Variants in NKAIN3 observed in about 807,000 individuals in gnomAD.
NKAIN3 encodes the protein sodium/potassium-transporting ATPase subunit beta-1-interacting protein 3.
A neutral mutation model predicts 30.2 loss-of-function variants in NKAIN3; 25 were observed. The observed-to-expected ratio is 0.83, with a 90% CI of 0.60 to 1.16. NKAIN3 has a LOEUF of 1.16. Ranked by LOEUF, NKAIN3 falls within the 50% of genes most tolerant of loss-of-function variation. NKAIN3 has a pLI of 0.00. For synonymous variants in NKAIN3, 91 were observed against 89.6 expected (o/e 1.02, Z -0.09); for missense variants, 225 against 254.1 (o/e 0.89, Z 0.78).
At chr8:62,456,377 G>C (rs942323085) in intron 1 of NKAIN3, among the ~76,000 whole-genome samples, 13 of 152,118 alleles carry the variant, frequency 8.5e-5, no homozygotes, top group Admixed American at 4.6e-4. Flanking sequence ...AAATTAGCCA[G>C]GCGTGGTGGC....
At chr8:62,605,234 G>C (rs1304974777) in intron 3 of NKAIN3, among the ~76,000 whole-genome samples, 1 of 152,050 alleles carries the variant, frequency 6.6e-6, no homozygotes, top group African/African-American at 2.4e-5. Context: ...TTCCTTTTTG[G>C]AGGTTCTAAT....
At position 62,252,719 on chromosome 8, in the gene NKAIN3, C is replaced by G. The variant is rs1168766730; in HGVS notation, c.54+3592C>G. Among the ~76,000 whole-genome samples, 15 of 152,182 alleles carry G rather than the reference C, an allele frequency of 9.9e-5. 1 individual carries two copies. Among genetic ancestry groups the G allele is most frequent in the Admixed American group, 9.8e-4 (15 of 15,276 alleles). On this transcript the variant is annotated intron_variant, in intron 1 of 6. Transcript: ENST00000623646. ...GTGATTCATTACTGTGTCACTGATTCATCTAGTCATCCAAGAGCCTTTAGT... is the reference window on the plus strand; with the variant it reads ...GTGATTCATTACTGTGTCACTGATTGATCTAGTCATCCAAGAGCCTTTAGT...
chr8:62,444,137 G>A (rs890310013), intron 1 of NKAIN3, among the ~76,000 whole-genome samples: 2 of 151,794 alleles, frequency 1.3e-5, no homozygotes, highest in East Asian at 1.9e-4. Flanking sequence ...CATATTTTTG[G>A]GATACAAGTG....
chr8:62,815,802 G>A (rs1435145867), intron 4 of NKAIN3, among the ~76,000 whole-genome samples: 2 of 151,802 alleles, frequency 1.3e-5, no homozygotes, highest in Non-Finnish European at 2.9e-5. Flanking sequence ...TATCCTGCTT[G>A]ATCTAGTCTA....
chr8:62,755,090 CACTT>C (rs1449273959), intron 4 of NKAIN3, among the ~76,000 whole-genome samples: 7 of 152,154 alleles, frequency 4.6e-5, no homozygotes, highest in Non-Finnish European at 8.8e-5. Context: ...AATATGAACT[CACTT>C]AATTCTCAAA....
At chr8:62,301,341 G>T (rs1814044947) in intron 1 of NKAIN3, among the ~76,000 whole-genome samples, 2 of 152,042 alleles carry the variant, frequency 1.3e-5, no homozygotes, top group African/African-American at 4.8e-5. Flanking sequence ...CAATTGGACA[G>T]CTCCCAAAAC....
rs1318946834 is a variant in NKAIN3, at chr8:62,363,447, C to T, written c.54+114320C>T. 5.9e-5 allele frequency among the ~76,000 whole-genome samples: 9 copies of T among 152,050 alleles called. No individual in the cohort carries two copies. In the East Asian group the frequency reaches 7.7e-4, roughly 13 times the overall value. On this transcript the variant is annotated intron_variant, in intron 1 of 6. Coordinates refer to ENST00000623646, the MANE Select transcript of NKAIN3 (RefSeq NM_001304533.3). ...ACAACGTCTGAGACCCTGGACATTC[C>T]GCCTTTCTCCTCAACACACAGTTCT...
intron 1 of NKAIN3, among the ~76,000 whole-genome samples, chr8:62,520,492 T>A (rs1808121942): frequency 6.6e-6 from 1 of 152,162 alleles, no homozygotes; most frequent in African/African-American, 2.4e-5. Context: ...GTTAAGTGTT[T>A]GAAATCCTCT....
intron 1 of NKAIN3, among the ~76,000 whole-genome samples, chr8:62,366,600 C>T (rs1364662413): frequency 1.3e-5 from 2 of 152,092 alleles, no homozygotes; most frequent in African/African-American, 4.8e-5. Context: ...TCTAGTTAAC[C>T]TCACTAAAGT....
chr8:62,728,205 C>G (rs1488214412), intron 3 of NKAIN3, among the ~76,000 whole-genome samples: 3 of 151,958 alleles, frequency 2.0e-5, no homozygotes, highest in African/African-American at 7.3e-5. Flanking sequence ...CTATATACTC[C>G]TAGATCATCA....
chr8:62,965,743 C>T lies in NKAIN3; in HGVS notation c.*336C>T, dbSNP rs968776211. On this transcript the variant is annotated 3_prime_UTR_variant, in exon 7 of 7. Transcript: ENST00000623646. ...TTCTACAGTCAATTCTAAGAGAAAT[C>T]TCAGTGTGTGCTGTGGAGATGTTAA... The T allele has an allele frequency of 2.3e-5, 23 of 984,604 alleles. No individual in the cohort carries two copies. Among genetic ancestry groups the T allele is most frequent in the Non-Finnish European group, 2.8e-5 (23 of 829,456 alleles). The allele number at this position is 984,604 out of a possible 1,614,324, so 61.0% of individuals were successfully genotyped here. A position where few individuals can be genotyped will look rare whatever the true frequency, so the allele number is the denominator to read the frequency against.
chr8:62,888,839 T>G (rs1821219964), intron 4 of NKAIN3, among the ~76,000 whole-genome samples: 1 of 152,220 alleles, frequency 6.6e-6, no homozygotes. Flanking sequence ...TATCAGTCTT[T>G]CTTACTTTTA....
intron 1 of NKAIN3, among the ~76,000 whole-genome samples, chr8:62,560,308 G>C (rs1053166222): frequency 6.6e-6 from 1 of 151,832 alleles, no homozygotes; most frequent in Admixed American, 6.6e-5. Flanking sequence ...TATTTCTCTT[G>C]CTAAATTTGG....
intron 3 of NKAIN3, among the ~76,000 whole-genome samples, chr8:62,647,910 A>T (rs1812513896): frequency 6.6e-6 from 1 of 152,132 alleles, no homozygotes; most frequent in African/African-American, 2.4e-5. Flanking sequence ...AGGTAGGCGG[A>T]TGGCTCGGAT....
At chr8:62,534,332 C>CA (rs1257624748) in intron 1 of NKAIN3, among the ~76,000 whole-genome samples, 1 of 152,128 alleles carries the variant, frequency 6.6e-6, no homozygotes, top group African/African-American at 2.4e-5. Context: ...GAAACACTGA[C>CA]AACAGGCATG....
intron 1 of NKAIN3, among the ~76,000 whole-genome samples, chr8:62,534,869 T>TC (rs1176634189): frequency 6.6e-6 from 1 of 151,524 alleles, no homozygotes; most frequent in African/African-American, 2.4e-5. Context: ...TGGTTTTTTT[T>TC]TTTTTCGTAT....
intron 3 of NKAIN3, among the ~76,000 whole-genome samples, chr8:62,658,339 C>T (rs550535385): frequency 7.3e-4 from 111 of 152,196 alleles, no homozygotes; most frequent in Non-Finnish European, 1.5e-3. Flanking sequence ...TTTAATTTCG[C>T]GGTGAGGATT....
chr8:62,653,983 A>AT (rs1012148715), intron 3 of NKAIN3, among the ~76,000 whole-genome samples: 219 of 152,242 alleles, frequency 1.4e-3, no homozygotes, highest in African/African-American at 5.1e-3. Context: ...GGGATTACAG[A>AT]TTTTTACAGA....
At chr8:62,870,869 G>A (rs1296021473) in intron 4 of NKAIN3, among the ~76,000 whole-genome samples, 2 of 106,540 alleles carry the variant, frequency 1.9e-5, no homozygotes, top group Non-Finnish European at 3.8e-5. Flanking sequence ...GAGAAAGAAT[G>A]GAAATCACTA....
Sources: gnomAD v4.1 joint callset for allele counts (sites outside exome capture counted in the v4.1 genomes callset) on GRCh38, gnomAD v4.1.1 for gene constraint, MANE v1.5 for transcripts, NCBI Gene and HGNC (gene_info 2026-07-23, HGNC 2026-07-21) for gene names.